The following ZNF804B variants were observed in gnomAD, a reference collection of about 807,000 sequenced individuals.
ZNF804B encodes zinc finger protein 804B.
A neutral mutation model predicts 101.4 loss-of-function variants in ZNF804B; 80 were observed. The ratio of observed to expected loss-of-function variants is 0.79; its 90% CI spans 0.66 to 0.95. The LOEUF (loss-of-function observed/expected upper bound fraction) is 0.95. Among genes scored for constraint, ZNF804B ranks in the 40% least tolerant of loss-of-function variants. The pLI is 0.00. For missense variants in ZNF804B, 1,673 were observed against 1,561.9 expected (o/e 1.07, Z -1.20); for synonymous variants, 622 against 558.8 (o/e 1.11, Z -1.59).
At chr7:89,202,104 G>T (rs1321569923) in intron 1 of ZNF804B, among the ~76,000 whole-genome samples, 2 of 151,958 alleles carry the variant, frequency 1.3e-5, no homozygotes, top group Non-Finnish European at 2.9e-5. Context: ...CAGTAAAATG[G>T]CACAGTAACT....
chr7:88,929,793 G>T (rs575833990), intron 1 of ZNF804B, among the ~76,000 whole-genome samples: 1 of 151,948 alleles, frequency 6.6e-6, no homozygotes, highest in East Asian at 1.9e-4. Context: ...TACGTTTAAG[G>T]TATTACAATT....
At chr7:89,069,599 T>C (rs1789504904) in intron 1 of ZNF804B, among the ~76,000 whole-genome samples, 1 of 152,214 alleles carries the variant, frequency 6.6e-6, no homozygotes, top group Admixed American at 6.5e-5. Flanking sequence ...TGTTATGCTA[T>C]GATATCTTAT....
intron 1 of ZNF804B, among the ~76,000 whole-genome samples, chr7:89,081,666 G>C (rs1405583136): frequency 6.6e-6 from 1 of 151,652 alleles, no homozygotes; most frequent in Non-Finnish European, 1.5e-5. Flanking sequence ...CTCTAACATA[G>C]ACATCTTTGG....
chr7:88,856,920 T>C (rs1223578912), intron 1 of ZNF804B, among the ~76,000 whole-genome samples: 1 of 152,160 alleles, frequency 6.6e-6, no homozygotes, highest in African/African-American at 2.4e-5. Flanking sequence ...TATTGATTTG[T>C]GTATGTTGAA....
chr7:89,127,144 T>C (rs1790486144), intron 1 of ZNF804B, among the ~76,000 whole-genome samples: 1 of 151,950 alleles, frequency 6.6e-6, no homozygotes, highest in Non-Finnish European at 1.5e-5. Flanking sequence ...TGTCAAAGAA[T>C]ATGTTTCCTT....
chr7:89,008,768 C>G (rs1788409319), intron 1 of ZNF804B, among the ~76,000 whole-genome samples: 1 of 152,230 alleles, frequency 6.6e-6, no homozygotes. Flanking sequence ...AGAATCCTAC[C>G]AAAAAGGAAA....
At chr7:89,228,735 G>A (rs1004881941) in intron 2 of ZNF804B, among the ~76,000 whole-genome samples, 1 of 152,208 alleles carries the variant, frequency 6.6e-6, no homozygotes, top group Non-Finnish European at 1.5e-5. Context: ...GGTGCAGGTG[G>A]AGCTGCCTGC....
At chr7:89,172,653 T>C (rs369105844) in intron 1 of ZNF804B, among the ~76,000 whole-genome samples, 1 of 152,252 alleles carries the variant, frequency 6.6e-6, no homozygotes, top group East Asian at 1.9e-4. Flanking sequence ...AACTTGAAAA[T>C]TGAAATATAG....
At chr7:88,970,351 C>G (rs1793514707) in intron 1 of ZNF804B, among the ~76,000 whole-genome samples, 1 of 146,470 alleles carries the variant, frequency 6.8e-6, no homozygotes, top group Non-Finnish European at 1.5e-5. Context: ...GATGCCCCCC[C>G]CCCACCCCCA....
chr7:89,158,468 T>C (rs1241492715), intron 1 of ZNF804B, among the ~76,000 whole-genome samples: 1 of 152,124 alleles, frequency 6.6e-6, no homozygotes, highest in Non-Finnish European at 1.5e-5. Context: ...CTCAGGACCA[T>C]TGTGTCAATT....
At chr7:89,104,332 T>C (rs71557026) in intron 1 of ZNF804B, among the ~76,000 whole-genome samples, 1 of 151,996 alleles carries the variant, frequency 6.6e-6, no homozygotes, top group East Asian at 1.9e-4. Context: ...TTCATACACC[T>C]GGTAAAATTC....
intron 1 of ZNF804B, among the ~76,000 whole-genome samples, chr7:88,894,230 T>C (rs920199447): frequency 6.6e-6 from 1 of 152,014 alleles, no homozygotes; most frequent in Non-Finnish European, 1.5e-5. Flanking sequence ...TTTTTTTTTT[T>C]GAGATGGAGT....
At chr7:88,991,219 C>G (rs1345034897) in intron 1 of ZNF804B, among the ~76,000 whole-genome samples, 1 of 152,190 alleles carries the variant, frequency 6.6e-6, no homozygotes, top group African/African-American at 2.4e-5. Flanking sequence ...AGTGCCACTG[C>G]TAGTCCTCAT....
rs1391029986 is a variant in ZNF804B at position 88,845,291 on chromosome 7, GCACGCGCGCGCA to G, written c.108+85211_108+85222del. Among the ~76,000 whole-genome samples, 9 of 106,540 alleles carry G rather than the reference GCACGCGCGCGCA, an allele frequency of 8.4e-5. No homozygotes were observed. The South Asian group carries it at 1.1e-3, about 14-fold the overall frequency. 69.9% of individuals were successfully genotyped at this position (106,540 alleles called of 152,430 possible). ...TGCGCATGTGTGCGCACGCGCGCGC[GCACGCGCGCGCA>G]CACACACACACACACACAATAACAA... is the stretch of plus-strand genomic sequence containing the variant. On this transcript the variant is annotated intron_variant, in intron 1 of 3. Transcript: ENST00000333190.
chr7:89,094,954 A>G (rs1225424619), intron 1 of ZNF804B, among the ~76,000 whole-genome samples: 2 of 152,198 alleles, frequency 1.3e-5, no homozygotes, highest in Admixed American at 1.3e-4. Flanking sequence ...TTCAATAAAT[A>G]CGAAAGTTAA....
At chr7:88,789,880 T>G (rs1483839298) in intron 1 of ZNF804B, among the ~76,000 whole-genome samples, 1 of 152,122 alleles carries the variant, frequency 6.6e-6, no homozygotes, top group African/African-American at 2.4e-5. Context: ...GCAATAATGC[T>G]CCATGAAGGG....
intron 1 of ZNF804B, among the ~76,000 whole-genome samples, chr7:88,906,152 C>A (rs1438658717): frequency 6.6e-6 from 1 of 151,524 alleles, no homozygotes; most frequent in Non-Finnish European, 1.5e-5. Context: ...TTATTTGGAT[C>A]TTTTTTTTCT....
intron 2 of ZNF804B, among the ~76,000 whole-genome samples, chr7:89,306,403 C>T (rs1283712371): frequency 6.6e-6 from 1 of 151,990 alleles, no homozygotes; most frequent in Non-Finnish European, 1.5e-5. Flanking sequence ...TATTAAAACT[C>T]AACACCTGCA....
intron 1 of ZNF804B, among the ~76,000 whole-genome samples, chr7:88,936,673 C>T (rs918117127): frequency 2.0e-5 from 3 of 151,994 alleles, no homozygotes; most frequent in African/African-American, 7.2e-5. Flanking sequence ...AATCTTCCTT[C>T]TTGTGTTAGA....
Sources: allele counts gnomAD v4.1 joint callset (sites outside exome capture counted in the v4.1 genomes callset), GRCh38; gene constraint gnomAD v4.1.1; transcripts MANE v1.5; gene names NCBI Gene and HGNC (gene_info 2026-07-23, HGNC 2026-07-21).